The following CRACD variants were observed in gnomAD, a reference collection of about 807,000 sequenced individuals.
CRACD encodes the protein capping protein-inhibiting regulator of actin dynamics.
A neutral mutation model predicts 106.8 loss-of-function variants in CRACD; 56 were observed. The observed-to-expected ratio is 0.52, with a 90% CI of 0.42 to 0.66. CRACD has a LOEUF of 0.66. CRACD is among the 30% of genes least tolerant of loss of function. The probability of loss-of-function intolerance (pLI) is 0.00; values close to 1 mark genes in which losing one functional copy is unlikely to be tolerated. For synonymous variants in CRACD, 754 were observed against 670.8 expected, an observed-to-expected ratio of 1.12 and a Z score of -1.92; for missense variants, 1,730 against 1,623.2, an observed-to-expected ratio of 1.07 and a Z score of -1.13.
intron 2 of CRACD, among the ~76,000 whole-genome samples, chr4:56,244,546 G>GTA (rs1363311358): frequency 6.6e-6 from 1 of 152,198 alleles, no homozygotes; most frequent in Admixed American, 6.5e-5. Context: ...AATTCAGCTA[G>GTA]TATATGTCAG....
chr4:56,228,247 G>A (rs1739418030), intron 2 of CRACD, among the ~76,000 whole-genome samples: 1 of 152,112 alleles, frequency 6.6e-6, no homozygotes, highest in South Asian at 2.1e-4. Flanking sequence ...GGACAATGGT[G>A]TATGTGCATG....
chr4:56,071,002 T>C (rs368859138), intron 1 of CRACD, among the ~76,000 whole-genome samples: 39 of 152,234 alleles, frequency 2.6e-4, no homozygotes, highest in Middle Eastern at 3.4e-3. Flanking sequence ...GTGTTGTGTC[T>C]GGCATGGCCT....
At chr4:56,308,850 G>T in intron 5 of CRACD, 3 of 1,288,522 alleles carry the variant, frequency 2.3e-6, no homozygotes, top group Non-Finnish European at 3.0e-6. Flanking sequence ...GAGATCTGAA[G>T]CAAATGTCCT....
intron 1 of CRACD, among the ~76,000 whole-genome samples, chr4:56,159,138 A>G (rs1350821098): frequency 6.6e-6 from 1 of 152,244 alleles, no homozygotes. Flanking sequence ...TATAGAAAGG[A>G]AGGAAAAGTT....
Position 56,287,264 on chromosome 4 carries a change from G to A in CRACD, c.-16-10950G>A, listed in dbSNP as rs980047019. Among the ~76,000 whole-genome samples, 44 of 141,938 alleles carry A rather than the reference G, an allele frequency of 3.1e-4. 1 individual carries two copies. Among genetic ancestry groups the A allele is most frequent in the Non-Finnish European group, 4.7e-5 (3 of 63,462 alleles). 93.1% of individuals were successfully genotyped at this position (141,938 alleles called of 152,430 possible). A position where few individuals can be genotyped will look rare whatever the true frequency, so the allele number is the denominator to read the frequency against. ...TTCAGCCTCCTGAGTAGCAGGGACT[G>A]CAAATGTGCAGCACTATACTTGGCT... On this transcript the variant is annotated intron_variant, in intron 3 of 10. Coordinates refer to ENST00000682029, the MANE Select transcript of CRACD (RefSeq NM_001393381.1).
At chr4:56,138,844 C>G (rs1346498111) in intron 1 of CRACD, among the ~76,000 whole-genome samples, 2 of 152,158 alleles carry the variant, frequency 1.3e-5, no homozygotes, top group Non-Finnish European at 2.9e-5. Flanking sequence ...TTTTAATCCA[C>G]AAAGAAAACA....
chr4:56,241,500 T>G (rs1434543466), intron 2 of CRACD, among the ~76,000 whole-genome samples: 1 of 152,088 alleles, frequency 6.6e-6, no homozygotes, highest in South Asian at 2.1e-4. Flanking sequence ...CTGTTTCTCT[T>G]TGGAAACCGG....
chr4:56,167,010 C>T (rs1736179480), intron 1 of CRACD, among the ~76,000 whole-genome samples: 1 of 152,076 alleles, frequency 6.6e-6, no homozygotes, highest in Admixed American at 6.6e-5. Context: ...AATGTCCATC[C>T]ATCAGACTCT....
intron 2 of CRACD, among the ~76,000 whole-genome samples, chr4:56,242,962 G>A (rs976468550): frequency 3.3e-5 from 5 of 152,150 alleles, no homozygotes; most frequent in South Asian, 2.1e-4. Context: ...CGCATGAGCC[G>A]CCCCAGAGAA....
chr4:56,053,221 T>C (rs1399767024), intron 1 of CRACD, among the ~76,000 whole-genome samples: 3 of 152,218 alleles, frequency 2.0e-5, no homozygotes. Context: ...CTTCATAGTG[T>C]ATTGATTGGT....
chr4:56,083,766 A>C (rs1261342833), intron 1 of CRACD, among the ~76,000 whole-genome samples: 1 of 152,118 alleles, frequency 6.6e-6, no homozygotes, highest in Admixed American at 6.5e-5. Context: ...ACTTGAGCCC[A>C]GGAGTTTGAG....
chr4:56,305,194 C>T (rs1422581806), intron 4 of CRACD, among the ~76,000 whole-genome samples: 1 of 152,194 alleles, frequency 6.6e-6, no homozygotes, highest in Admixed American at 6.5e-5. Flanking sequence ...GCACTCTAGC[C>T]TGTGCGACAG....
At position 56,125,764 on chromosome 4, in the gene CRACD, C is replaced by CTTTTTT. The variant is rs11289899; in HGVS notation, c.-335-53501_-335-53496dup. On this transcript the variant is annotated intron_variant, in intron 1 of 10. Coordinates refer to ENST00000682029, the MANE Select transcript of CRACD (RefSeq NM_001393381.1). Reference sequence around the variant, plus strand: ...ATAATCTATTACTGTCATTCTTCTTCTTTTTTTTTTTTTTTTTTTTTTTTG... The same window carrying CTTTTTT: ...ATAATCTATTACTGTCATTCTTCTTCTTTTTTTTTTTTTTTTTTTTTTTTTTTTTTG... Among the ~76,000 whole-genome samples the CTTTTTT allele has an allele frequency of 4.8e-3, 353 of 73,216 alleles. 1 individual carries two copies. Among genetic ancestry groups the CTTTTTT allele is most frequent in the Middle Eastern group, 0.012 (1 of 86 alleles). The allele number at this position is 73,216 out of a possible 152,430, so 48.0% of individuals were successfully genotyped here.
intron 2 of CRACD, among the ~76,000 whole-genome samples, chr4:56,218,027 G>GTGTCTTTACGT (rs557140760): frequency 3.2e-3 from 482 of 152,216 alleles, no homozygotes; most frequent in Non-Finnish European, 4.8e-3. Context: ...TGTTGTCCCT[G>GTGTCTTTACGT]TGTCTTTACG....
At chr4:56,085,951 T>C (rs1049577182) in intron 1 of CRACD, among the ~76,000 whole-genome samples, 3 of 152,232 alleles carry the variant, frequency 2.0e-5, no homozygotes, top group Non-Finnish European at 4.4e-5. Context: ...ATTTGCTCAG[T>C]TTAAATTAGA....
chr4:56,244,601 T>C (rs1046988516), intron 2 of CRACD, among the ~76,000 whole-genome samples: 1 of 152,218 alleles, frequency 6.6e-6, no homozygotes, highest in Admixed American at 6.5e-5. Context: ...TCTGGACTCA[T>C]TGATAAATGG....
intron 2 of CRACD, among the ~76,000 whole-genome samples, chr4:56,228,653 T>C (rs1739449448): frequency 6.7e-6 from 1 of 150,016 alleles, no homozygotes; most frequent in South Asian, 2.1e-4. Flanking sequence ...GTGTTACTGT[T>C]GTTATGAGGG....
In CRACD at chr4:56,188,711, C is replaced by CAGAGAGAGAG. The variant is rs142124735; in HGVS notation, c.-189+9296_-189+9305dup. Among the ~76,000 whole-genome samples, 720 of 113,056 alleles carry CAGAGAGAGAG rather than the reference C, an allele frequency of 6.4e-3. 9 individuals carry two copies. The highest frequency in any genetic ancestry group is 0.023 in the African/African-American group (589 of 25,764). 74.2% of individuals were successfully genotyped at this position (113,056 alleles called of 152,430 possible). A position where few individuals can be genotyped will look rare whatever the true frequency, so the allele number is the denominator to read the frequency against. On this transcript the variant is annotated intron_variant, in intron 2 of 10. Transcript: ENST00000682029. Reference sequence around the variant, plus strand: ...TCACACACACACACACACACACACACAGAGAGAGAGAGAGAGAGAGAGAGG... The same window carrying CAGAGAGAGAG: ...TCACACACACACACACACACACACACAGAGAGAGAGAGAGAGAGAGAGAGAGAGAGAGAGG...
chr4:56,061,333 C>T (rs901141135), intron 1 of CRACD, among the ~76,000 whole-genome samples: 1 of 151,972 alleles, frequency 6.6e-6, no homozygotes, highest in African/African-American at 2.4e-5. Flanking sequence ...ACCATGCCCA[C>T]CAGTTTTTGT....
Sources: gnomAD v4.1 joint callset for allele counts (sites outside exome capture counted in the v4.1 genomes callset) on GRCh38, gnomAD v4.1.1 for gene constraint, MANE v1.5 for transcripts, NCBI Gene and HGNC (gene_info 2026-07-23, HGNC 2026-07-21) for gene names.